The following GGA2 variants were observed in gnomAD, a reference collection of about 807,000 sequenced individuals.
The protein encoded by GGA2 is golgi associated, gamma adaptin ear containing, ARF binding protein 2, also known as ADP-ribosylation factor-binding protein GGA2.
In GGA2, 48 loss-of-function variants were observed where a neutral mutation model predicts 79.5. The observed-to-expected ratio is 0.60, with a 90% CI of 0.48 to 0.77. The LOEUF (loss-of-function observed/expected upper bound fraction) is 0.77, where lower values mean the gene tolerates loss of function less well. Among genes scored for constraint, GGA2 ranks in the 30% least tolerant of loss-of-function variants. The pLI is 0.00. For synonymous variants in GGA2, 317 were observed against 302.0 expected, an observed-to-expected ratio of 1.05 and a Z score of -0.51; for missense variants, 770 against 774.0, an observed-to-expected ratio of 0.99 and a Z score of 0.06.
At chr16:23,473,647 C>G (rs1363961302) in intron 14 of GGA2, among the ~76,000 whole-genome samples, 1 of 152,078 alleles carries the variant, frequency 6.6e-6, no homozygotes, top group African/African-American at 2.4e-5. Context: ...TTTAATAAAA[C>G]TCTACATTTT....
rs182125174 is a variant in GGA2 at position 23,465,440 on chromosome 16, G to C, written c.*2150C>G. The stretch of plus-strand genomic sequence containing the variant: ...TACCCCTATCCTGTCCAACACCTAA[G>C]CATAGTAGTACCACTGGGAGTCTGT... On this transcript the variant is annotated 3_prime_UTR_variant, in exon 17 of 17. Transcript: ENST00000309859. The C allele has an allele frequency of 9.1e-4, 639 of 702,784 alleles. No individual in the cohort carries two copies. Among genetic ancestry groups the C allele is most frequent in the Non-Finnish European group, 1.5e-3 (591 of 384,720 alleles). 43.5% of individuals were successfully genotyped at this position (702,784 alleles called of 1,614,324 possible).
chr16:23,504,869 C>A (rs936006318), intron 1 of GGA2, among the ~76,000 whole-genome samples: 1 of 152,182 alleles, frequency 6.6e-6, no homozygotes, highest in African/African-American at 2.4e-5. Flanking sequence ...TCATTTCAAG[C>A]GTGCTACAGG....
intron 1 of GGA2, among the ~76,000 whole-genome samples, chr16:23,503,688 A>G (rs1393791969): frequency 6.6e-6 from 1 of 152,248 alleles, no homozygotes; most frequent in Non-Finnish European, 1.5e-5. Flanking sequence ...CCTGCACTTT[A>G]GCTCCACTGC....
rs748797331 is a variant in GGA2 at position 23,470,065 on chromosome 16, C to G, written c.1551G>C (p.Leu517=). The change falls in exon 15 of 17, where the codon CTG becomes CTC. Residue 517 remains leucine (L), a synonymous_variant. Coordinates refer to ENST00000309859, the MANE Select transcript of GGA2 (RefSeq NM_015044.4). ...GAPGHPEVQV[L]LLTMMSTAPQ... ...GAGCCGTGCTCATCATGGTCAAGAGCAGCACCTGTACCTCTGGGTGCCCAG... is the reference window on the plus strand; with the variant it reads ...GAGCCGTGCTCATCATGGTCAAGAGGAGCACCTGTACCTCTGGGTGCCCAG... 3.1e-6 allele frequency: 5 copies of G among 1,609,840 alleles called. No homozygotes were observed. The highest frequency in any genetic ancestry group is 3.4e-6 in the Non-Finnish European group (4 of 1,178,118).
intron 11 of GGA2, among the ~76,000 whole-genome samples, chr16:23,479,395 C>T (rs1220564952): frequency 2.7e-5 from 4 of 149,318 alleles, no homozygotes; most frequent in African/African-American, 9.9e-5. Context: ...CAGCAGCAGG[C>T]ATGTGCTCCC....
chr16:23,478,166 T>A (rs527668695), intron 13 of GGA2, among the ~76,000 whole-genome samples: 18 of 143,634 alleles, frequency 1.3e-4, no homozygotes, highest in African/African-American at 4.8e-4. Context: ...GCCACTGCAC[T>A]CTAGCCTGGG....
At chr16:23,489,380 G>T (rs536782383) in intron 5 of GGA2, among the ~76,000 whole-genome samples, 1 of 152,240 alleles carries the variant, frequency 6.6e-6, no homozygotes, top group South Asian at 2.1e-4. Context: ...GACTACAGGT[G>T]GGCACCACCA....
At chr16:23,493,723 T>TTA in intron 3 of GGA2, 1 of 424,678 alleles carries the variant, frequency 2.4e-6, no homozygotes, top group East Asian at 4.8e-5. Context: ...ACCCCACCTT[T>TTA]TAAGGAGACC....
chr16:23,504,704 G>A (rs1029872160), intron 1 of GGA2, among the ~76,000 whole-genome samples: 1 of 152,180 alleles, frequency 6.6e-6, no homozygotes, highest in African/African-American at 2.4e-5. Context: ...GACAGGGCAC[G>A]GCCAGGGAGA....
intron 14 of GGA2, among the ~76,000 whole-genome samples, chr16:23,472,186 T>G (rs914530379): frequency 2.4e-4 from 3 of 12,428 alleles, no homozygotes; most frequent in African/African-American, 3.7e-4. Flanking sequence ...TAGCCCTGGT[T>G]TTTTTTTTTT....
chr16:23,480,565 TA>T, intron 10 of GGA2, 79 bp downstream of exon 10: 1 of 1,221,394 alleles, frequency 8.2e-7, no homozygotes, highest in East Asian at 2.4e-5. Context: ...TAACCCAGAA[TA>T]TGTTTAGGAC....
At chr16:23,522,467 T>C (rs1196221265), upstream of GGA2, 5 of 151,700 alleles carry the variant, frequency 3.3e-5, no homozygotes, top group African/African-American at 4.9e-5. Flanking sequence ...TTCCAAAACC[T>C]GTTTTTTTTT....
intron 4 of GGA2, 94 bp from the exon 5 acceptor site, chr16:23,491,894 C>T: frequency 1.2e-6 from 1 of 829,018 alleles, no homozygotes; most frequent in Middle Eastern, 3.1e-4. Context: ...CCCAGAGACA[C>T]AAGCTCCCAG....
intron 16 of GGA2, among the ~76,000 whole-genome samples, chr16:23,467,992 C>T (rs572816916): frequency 6.6e-6 from 1 of 152,298 alleles, no homozygotes; most frequent in South Asian, 2.1e-4. Context: ...CTCCCTTGGT[C>T]CCCAGCTATG....
Position 23,486,787 on chromosome 16 carries a change from G to A in GGA2, c.583C>T (p.Leu195=). Residue 195 remains leucine (L), a synonymous_variant, in exon 7 of 17, where the codon CTG becomes TTG. Transcript: ENST00000309859. ...TGGTTGCTCTTTAGAAGCCTTGTCA[G>A]AAGCTGCAGAGAGTGAACAGGAAGA... is the stretch of plus-strand genomic sequence containing the variant. ...FDADEEKSKL[L]TRLLKSNHPE... is the part of the protein sequence containing the mutation. 6.3e-7 allele frequency: 1 copy of A among 1,598,482 alleles called. No homozygotes were observed. The highest frequency in any genetic ancestry group is 8.6e-7 in the Non-Finnish European group (1 of 1,165,780).
At chr16:23,499,278 A>G (rs1964893395) in intron 1 of GGA2, among the ~76,000 whole-genome samples, 1 of 151,672 alleles carries the variant, frequency 6.6e-6, no homozygotes, top group Non-Finnish European at 1.5e-5. Context: ...TAGAGTAGCT[A>G]GGATCACAGG....
At chr16:23,503,941 T>C (rs1964946872) in intron 1 of GGA2, among the ~76,000 whole-genome samples, 1 of 152,098 alleles carries the variant, frequency 6.6e-6, no homozygotes, top group Admixed American at 6.5e-5. Context: ...ATTAGCCAGG[T>C]ATGGTGCTGC....
chr16:23,478,464 G>A lies in GGA2; in HGVS notation c.1196C>T (p.Pro399Leu). Residue 399 changes from proline to leucine, a missense_variant, in exon 13 of 17, where the codon CCC becomes CTC. Physicochemically the swap from Pro to Leu is moderately conservative, Grantham distance 98. Coordinates refer to ENST00000309859, the MANE Select transcript of GGA2 (RefSeq NM_015044.4). The stretch of plus-strand genomic sequence containing the variant: ...ACCGCCTGGCAGCGTGCTGGAGGAG[G>A]GATTCCTCTTTTCCTCACAGCAATT... ...GQNCCEEKRN[P>L]SSSTLPGGGV... The A allele has an allele frequency of 6.2e-7, 1 of 1,610,396 alleles. No homozygotes were observed. Among genetic ancestry groups the A allele is most frequent in the Non-Finnish European group, 8.5e-7 (1 of 1,177,462 alleles).
intron 1 of GGA2, among the ~76,000 whole-genome samples, chr16:23,498,845 T>C (rs1288905674): frequency 4.6e-5 from 7 of 152,198 alleles, no homozygotes; most frequent in Admixed American, 4.6e-4. Context: ...AAATAAATTA[T>C]TTAAAGCAGT....
Sources: allele counts gnomAD v4.1 joint callset (sites outside exome capture counted in the v4.1 genomes callset), GRCh38; gene constraint gnomAD v4.1.1; transcripts MANE v1.5; gene names NCBI Gene and HGNC (gene_info 2026-07-23, HGNC 2026-07-21).